The following YPEL1 variants were observed in gnomAD, a reference collection of about 807,000 sequenced individuals.
YPEL1 encodes protein yippee-like 1.
Under a neutral mutation model 17.3 loss-of-function variants are expected in YPEL1, and 7 were observed. The observed-to-expected ratio is 0.40, with a 90% CI of 0.23 to 0.76. The LOEUF (loss-of-function observed/expected upper bound fraction) is 0.76, where lower values mean the gene tolerates loss of function less well. YPEL1 is among the 30% of genes least tolerant of loss of function. The pLI is 0.35. For synonymous variants in YPEL1, 59 were observed against 59.6 expected (o/e 0.99, Z 0.05); for missense variants, 91 against 155.5 (o/e 0.59, Z 2.21).
At chr22:21,708,019 G>A (rs967804360) in intron 2 of YPEL1, among the ~76,000 whole-genome samples, 5 of 152,090 alleles carry the variant, frequency 3.3e-5, no homozygotes, top group East Asian at 1.9e-4. Flanking sequence ...CTCGAGCCAG[G>A]GGATTCCTTG....
chr22:21,719,946 A>C (rs2068264243), intron 1 of YPEL1, among the ~76,000 whole-genome samples: 1 of 149,076 alleles, frequency 6.7e-6, no homozygotes, highest in Non-Finnish European at 1.5e-5. Context: ...TGGGGGGCGG[A>C]GGTTGCAGGG....
chr22:21,701,006 A>G lies in YPEL1; in HGVS notation c.*123T>C, dbSNP rs2068059886. The G allele has an allele frequency of 2.6e-6, 2 of 774,596 alleles. No homozygotes were observed. The highest frequency in any genetic ancestry group is 2.2e-5 in the Admixed American group (1 of 46,106). 48.0% of individuals were successfully genotyped at this position (774,596 alleles called of 1,614,324 possible). A position where few individuals can be genotyped will look rare whatever the true frequency, so the allele number is the denominator to read the frequency against. On this transcript the variant is annotated 3_prime_UTR_variant, in exon 5 of 5. Transcript: ENST00000339468. ...GAGATGGCCGAGAGTGTCAAGAGCT[A>G]TGCGCAGCTAGCCTTTGAGGTCAGA...
At chr22:21,704,049 C>T in intron 2 of YPEL1, 167 bp from the exon 3 acceptor site, 1 of 768,962 alleles carries the variant, frequency 1.3e-6, no homozygotes, top group Non-Finnish European at 2.3e-6. Context: ...TAATAACAGC[C>T]ACTTAACGGA....
At chr22:21,728,566 A>G (rs926934135) in intron 1 of YPEL1, among the ~76,000 whole-genome samples, 2 of 152,130 alleles carry the variant, frequency 1.3e-5, no homozygotes, top group Admixed American at 1.3e-4. Flanking sequence ...TGAGCACCCA[A>G]GGTTGCACAG....
chr22:21,703,294 G>T lies in YPEL1; in HGVS notation c.270+76C>A. 1.6e-6 allele frequency: 2 copies of T among 1,282,600 alleles called. No homozygotes were observed. Among genetic ancestry groups the T allele is most frequent in the Non-Finnish European group, 2.3e-6 (2 of 888,156 alleles). 79.5% of individuals were successfully genotyped at this position (1,282,600 alleles called of 1,614,324 possible). A position where few individuals can be genotyped will look rare whatever the true frequency, so the allele number is the denominator to read the frequency against. On this transcript the variant is annotated intron_variant, in intron 4 of 4. Coordinates refer to ENST00000339468, the MANE Select transcript of YPEL1 (RefSeq NM_013313.5). The surrounding 1 kb of genome is among the most constrained non-coding windows in gnomAD (Gnocchi z 6.1). The stretch of plus-strand genomic sequence containing the variant: ...TGTGACTGGTACCATGGGCCACACT[G>T]CACGGGGAGGTGTGGCTCAGTGGCA...
chr22:21,730,475 G>A (rs986170770), intron 1 of YPEL1, among the ~76,000 whole-genome samples: 2 of 152,154 alleles, frequency 1.3e-5, no homozygotes, highest in Non-Finnish European at 2.9e-5. Context: ...CACCCGCCTT[G>A]GCCTCCCAAA....
rs572583820 is a variant in YPEL1 at position 21,726,835 on chromosome 22, C to T, written c.-165+8780G>A. Among the ~76,000 whole-genome samples, 24 of 152,290 alleles carry T rather than the reference C, an allele frequency of 1.6e-4. No individual in the cohort carries two copies. In the East Asian group the frequency reaches 3.7e-3, roughly 23 times the overall value. ...AGCGACAAGCTCAGATCTCAGCTCTCGCCTCCACCTTGTGGTTTCTCTGAG... is the reference window on the plus strand; with the variant it reads ...AGCGACAAGCTCAGATCTCAGCTCTTGCCTCCACCTTGTGGTTTCTCTGAG... On this transcript the variant is annotated intron_variant, in intron 1 of 4. Coordinates refer to ENST00000339468, the MANE Select transcript of YPEL1 (RefSeq NM_013313.5).
chr22:21,702,990 GTCT>G (rs1201493594), intron 4 of YPEL1, among the ~76,000 whole-genome samples: 1 of 152,192 alleles, frequency 6.6e-6, no homozygotes, highest in Non-Finnish European at 1.5e-5. Context: ...TGGCGCTGAG[GTCT>G]TCTAGACTTG....
chr22:21,732,688 A>C (rs1457422217), intron 1 of YPEL1, among the ~76,000 whole-genome samples: 1 of 151,760 alleles, frequency 6.6e-6, no homozygotes, highest in African/African-American at 2.4e-5. Context: ...AGGCTGAGAC[A>C]GGAGAATCGC....
chr22:21,704,913 T>C (rs906940425), intron 2 of YPEL1, among the ~76,000 whole-genome samples: 1 of 152,094 alleles, frequency 6.6e-6, no homozygotes. Flanking sequence ...CAGCCTCAAG[T>C]CTCAATCGAC....
rs1601623924 is a variant in YPEL1, at chr22:21,703,629, C to T, written c.162-151G>A. 1 of 837,552 alleles carries T rather than the reference C, an allele frequency of 1.2e-6. No homozygotes were observed. The allele number at this position is 837,552 out of a possible 1,614,324, so 51.9% of individuals were successfully genotyped here. A position where few individuals can be genotyped will look rare whatever the true frequency, so the allele number is the denominator to read the frequency against. ...GTGCCGTGCCTCTCCCCCAGCCCTG[C>T]CCGCCACCACCATCAATGGGAAAGA... is the stretch of plus-strand genomic sequence containing the variant. On this transcript the variant is annotated intron_variant, in intron 3 of 4. Coordinates refer to ENST00000339468, the MANE Select transcript of YPEL1 (RefSeq NM_013313.5). The surrounding 1 kb of genome is among the most constrained non-coding windows in gnomAD (Gnocchi z 6.1).
intron 1 of YPEL1, among the ~76,000 whole-genome samples, chr22:21,728,936 A>C (rs572860345): frequency 6.6e-6 from 1 of 152,312 alleles, no homozygotes; most frequent in East Asian, 1.9e-4. Context: ...TGAAGTCAGG[A>C]GTTCTAGACC....
intron 1 of YPEL1, among the ~76,000 whole-genome samples, chr22:21,718,528 G>A (rs372956536): frequency 4.6e-5 from 7 of 151,794 alleles, no homozygotes. Context: ...ACAAAAACAG[G>A]TCAATGTGAC....
At chr22:21,702,893 G>A (rs917816842) in intron 4 of YPEL1, among the ~76,000 whole-genome samples, 1 of 152,214 alleles carries the variant, frequency 6.6e-6, no homozygotes, top group Non-Finnish European at 1.5e-5. Context: ...GGTGGCGATT[G>A]CAACCTTCAA....
intron 2 of YPEL1, chr22:21,704,253 C>A: frequency 1.4e-6 from 1 of 705,512 alleles, no homozygotes; most frequent in Non-Finnish European, 2.6e-6. Flanking sequence ...CCCACAGATC[C>A]TCAAAATGCT....
rs754316403 is a variant in YPEL1, at chr22:21,710,771, C to G, written c.-27G>C. 2 of 1,600,672 alleles carry G rather than the reference C, an allele frequency of 1.2e-6. No individual in the cohort carries two copies. Among genetic ancestry groups the G allele is most frequent in the East Asian group, 4.5e-5 (2 of 44,822 alleles). On this transcript the variant is annotated 5_prime_UTR_variant, in exon 2 of 5. Coordinates refer to ENST00000339468, the MANE Select transcript of YPEL1 (RefSeq NM_013313.5). Reference sequence around the variant, plus strand: ...TCTCCTGGGCACTCCTCACTCAGCTCAGGGCTGGTTCTGGAAGAACCGTGG... The same window carrying G: ...TCTCCTGGGCACTCCTCACTCAGCTGAGGGCTGGTTCTGGAAGAACCGTGG...
chr22:21,717,237 G>A (rs938628227), intron 1 of YPEL1, among the ~76,000 whole-genome samples: 1 of 152,182 alleles, frequency 6.6e-6, no homozygotes, highest in Middle Eastern at 3.4e-3. Context: ...TTAGCCGGGC[G>A]TGGTGGTGTC....
intron 1 of YPEL1, among the ~76,000 whole-genome samples, chr22:21,732,754 C>T (rs540763258): frequency 1.0e-3 from 152 of 152,030 alleles, no homozygotes; most frequent in African/African-American, 3.5e-3. Context: ...TGCACTCCAG[C>T]CTGGCGACAG....
intron 1 of YPEL1, 55 bp from the exon 2 acceptor site, chr22:21,710,963 A>T: frequency 1.8e-6 from 1 of 556,364 alleles, no homozygotes; most frequent in Non-Finnish European, 3.3e-6. Context: ...CGTGTGAAGC[A>T]GGTACATATG....
Sources: gnomAD v4.1 joint callset for allele counts (sites outside exome capture counted in the v4.1 genomes callset) on GRCh38, gnomAD v4.1.1 for gene constraint, Gnocchi (gnomAD v3.1) non-coding constraint, MANE v1.5 for transcripts, NCBI Gene and HGNC (gene_info 2026-07-23, HGNC 2026-07-21) for gene names.